Variants in DNAH14 observed in about 807,000 individuals in gnomAD.
DNAH14 encodes the protein axonemal beta dynein heavy chain 14.
A neutral mutation model predicts 520.9 loss-of-function variants in DNAH14; 478 were observed. The ratio of observed to expected loss-of-function variants is 0.92; its 90% CI spans 0.85 to 0.99. The LOEUF is 0.99. DNAH14 is among the 50% of genes least tolerant of loss of function. The pLI, the probability that DNAH14 is intolerant of heterozygous loss-of-function variation, is 0.00. For missense variants in DNAH14, 4,831 were observed against 5,234.5 expected, an observed-to-expected ratio of 0.92 and a Z score of 2.38; for synonymous variants, 1,581 against 1,757.2, an observed-to-expected ratio of 0.90 and a Z score of 2.51.
At chr1:224,936,118 A>ATT in intron 1 of DNAH14, among the ~76,000 whole-genome samples, 1 of 151,902 alleles carries the variant, frequency 6.6e-6, no homozygotes, top group Middle Eastern at 3.2e-3. Flanking sequence ...AAAAAGTAGG[A>ATT]AGATTACTAA....
chr1:225,103,413 C>T (rs1282012930), intron 23 of DNAH14, among the ~76,000 whole-genome samples: 1 of 152,140 alleles, frequency 6.6e-6, no homozygotes, highest in Non-Finnish European at 1.5e-5. Context: ...GTAGTTGTTT[C>T]CAATTCTGTG....
chr1:225,232,274 T>C lies in DNAH14; in HGVS notation c.6518+1123T>C, dbSNP rs553272598. 6.8e-3 allele frequency among the ~76,000 whole-genome samples: 943 copies of C among 138,236 alleles called. 2 individuals carry two copies. Among genetic ancestry groups the C allele is most frequent in the Non-Finnish European group, 0.011 (735 of 65,112 alleles). The allele number at this position is 138,236 out of a possible 152,430, so 90.7% of individuals were successfully genotyped here. A position where few individuals can be genotyped will look rare whatever the true frequency, so the allele number is the denominator to read the frequency against. On this transcript the variant is annotated intron_variant, in intron 42 of 85. Coordinates refer to ENST00000682510, the MANE Select transcript of DNAH14 (RefSeq NM_001367479.1). This position sits in a 1 kb window ranked among gnomAD's most constrained non-coding sequence, Gnocchi z 4.2. ...CATTATATATATAAACTGTGATATA[T>C]ATATATACACACACACACACACACA... is the stretch of plus-strand genomic sequence containing the variant.
Position 225,338,415 on chromosome 1 carries a change from A to G in DNAH14, c.10433+233A>G. 3 of 646,420 alleles carry G rather than the reference A, an allele frequency of 4.6e-6. No individual in the cohort carries two copies. The Admixed American group carries it at 7.5e-5, about 16-fold the overall frequency. The allele number at this position is 646,420 out of a possible 1,614,324, so 40.0% of individuals were successfully genotyped here. On this transcript the variant is annotated intron_variant, in intron 68 of 85. Transcript: ENST00000682510. ...CACTTTTCAAACTGTGCATGATAAA[A>G]TCTGTGGGTTTTATGAGGAGTCTTC...
Position 225,335,870 on chromosome 1 carries a change from CACATAT to C in DNAH14, c.10081-1388_10081-1383del, listed in dbSNP as rs1172025064. Among the ~76,000 whole-genome samples the C allele has an allele frequency of 3.1e-4, 15 of 48,930 alleles. 2 individuals are homozygous for C. Among genetic ancestry groups the C allele is most frequent in the Non-Finnish European group, 4.9e-4 (13 of 26,604 alleles). The allele number at this position is 48,930 out of a possible 152,430, so 32.1% of individuals were successfully genotyped here. A position where few individuals can be genotyped will look rare whatever the true frequency, so the allele number is the denominator to read the frequency against. On this transcript the variant is annotated intron_variant, in intron 66 of 85. Transcript: ENST00000682510. ...ACACATATGTACATATATGTACATA[CACATAT>C]ACATATATGTACATATACATACATA...
chr1:225,120,258 G>A (rs1156291467), intron 26 of DNAH14, among the ~76,000 whole-genome samples: 1 of 152,130 alleles, frequency 6.6e-6, no homozygotes, highest in Admixed American at 6.5e-5. Context: ...TTCCTGGATG[G>A]GATCCCAGAA....
rs1048363265 is a variant in DNAH14, at chr1:225,272,066, T to C, written c.7832T>C (p.Met2611Thr). ...CACTACATGTTTAATCTTCGAGATATGTTTAAGGTTTGTTTTAATGTTCAT... is the reference window on the plus strand; with the variant it reads ...CACTACATGTTTAATCTTCGAGATACGTTTAAGGTTTGTTTTAATGTTCAT... ...KCHYMFNLRD[M>T]FKLLLGLLQA... is the part of the protein sequence containing the mutation. Residue 2611 changes from methionine to threonine, a missense_variant, in exon 51 of 86, where the codon ATG (methionine) becomes ACG (threonine). Transcript: ENST00000682510. The C allele has an allele frequency of 5.8e-6, 9 of 1,547,798 alleles. No individual in the cohort carries two copies. Among genetic ancestry groups the C allele is most frequent in the Non-Finnish European group, 7.9e-6 (9 of 1,145,912 alleles).
intron 10 of DNAH14, among the ~76,000 whole-genome samples, chr1:225,016,905 GAT>G (rs1210409034): frequency 1.3e-5 from 2 of 151,274 alleles, no homozygotes; most frequent in African/African-American, 4.9e-5. Context: ...TCTTTTCTAT[GAT>G]ATATATCTTT....
chr1:225,073,336 T>C (rs1055939574), intron 17 of DNAH14, among the ~76,000 whole-genome samples: 6 of 152,136 alleles, frequency 3.9e-5, no homozygotes, highest in Non-Finnish European at 8.8e-5. Flanking sequence ...AGCCTGCCCC[T>C]CCCTCTGGGA....
Position 225,079,245 on chromosome 1 carries a change from C to T in DNAH14, c.2463C>T (p.Pro821=), listed in dbSNP as rs1233699590. ...CATTGCAGCAGCTGGAATGTGATCC[C>T]ACTGAAATAGAAGAATTTCTGGAGC... ...ESSLQQLECD[P]TEIEEFLEHF... Residue 821 remains proline (P), a synonymous_variant, in exon 18 of 86, where the codon CCC becomes CCT. Transcript: ENST00000682510. 6.5e-7 allele frequency: 1 copy of T among 1,548,022 alleles called. No individual in the cohort carries two copies. Among genetic ancestry groups the T allele is most frequent in the Admixed American group, 2.0e-5 (1 of 50,168 alleles).
intron 26 of DNAH14, among the ~76,000 whole-genome samples, chr1:225,123,193 T>C: frequency 6.6e-6 from 1 of 152,206 alleles, no homozygotes. Flanking sequence ...CAGTATTCCA[T>C]TTTGTAGAAA....
At chr1:225,110,136 G>A (rs1169212839) in intron 23 of DNAH14, among the ~76,000 whole-genome samples, 11 of 152,074 alleles carry the variant, frequency 7.2e-5, no homozygotes, top group South Asian at 2.1e-4. Context: ...ATATGGGCCT[G>A]TAGTTTTCTT....
chr1:225,333,284 C>T lies in DNAH14; in HGVS notation c.9865-7C>T, dbSNP rs2094841964. 2.6e-6 allele frequency: 4 copies of T among 1,545,258 alleles called. No individual in the cohort carries two copies. The highest frequency in any genetic ancestry group is 3.9e-5 in the Admixed American group (2 of 50,818). On this transcript the variant is annotated splice_region_variant and splice_polypyrimidine_tract_variant and intron_variant, in intron 65 of 85. Transcript: ENST00000682510. ...ATAGAATAACTCATTTCTATTTTAACATTTAGACTCGATGGCAAGAAACAA... is the reference window on the plus strand; with the variant it reads ...ATAGAATAACTCATTTCTATTTTAATATTTAGACTCGATGGCAAGAAACAA...
At chr1:225,211,630 T>C (rs893463089) in intron 41 of DNAH14, among the ~76,000 whole-genome samples, 1 of 151,992 alleles carries the variant, frequency 6.6e-6, no homozygotes, top group Non-Finnish European at 1.5e-5. Context: ...AAAATTCAAA[T>C]TCAAGAAATA....
intron 36 of DNAH14, among the ~76,000 whole-genome samples, chr1:225,175,206 A>G (rs2083179614): frequency 6.6e-6 from 1 of 152,128 alleles, no homozygotes; most frequent in African/African-American, 2.4e-5. Flanking sequence ...ATTGGGAATC[A>G]TTTTCTTGAA....
chr1:225,127,605 T>C (rs1029846473), intron 27 of DNAH14, among the ~76,000 whole-genome samples: 6 of 152,190 alleles, frequency 3.9e-5, no homozygotes, highest in African/African-American at 1.2e-4. Context: ...TGTGTGTCTC[T>C]GCACGTGAGA....
Position 225,080,522 on chromosome 1 carries a change from A to T in DNAH14, c.2910A>T (p.Gln970His). The change falls in exon 19 of 86, where the codon CAA becomes CAT. Residue 970 changes from glutamine (Q) to histidine (H), a missense_variant. Physicochemically the swap from Gln to His is conservative, Grantham distance 24. Coordinates refer to ENST00000682510, the MANE Select transcript of DNAH14 (RefSeq NM_001367479.1). ...ATCAGGATTGTTTCAGTGATTCTCA[A>T]TCTCATATGCATTCTGTTAATGTGG... ...SHYQDCFSDSQSHMHSVNVEE... is the reference protein window; with the variant it reads ...SHYQDCFSDSHSHMHSVNVEE... 1 of 1,551,860 alleles carries T rather than the reference A, an allele frequency of 6.4e-7. No individual in the cohort carries two copies. Among genetic ancestry groups the T allele is most frequent in the South Asian group, 1.2e-5 (1 of 84,048 alleles).
chr1:225,265,354 A>G lies in DNAH14; in HGVS notation c.7395A>G (p.Ala2465=), dbSNP rs1330036046. Residue 2465 remains alanine, a synonymous_variant, in exon 48 of 86, where the codon GCA becomes GCG. Transcript: ENST00000682510. The part of the protein sequence containing the change: ...LIRRTKDTLG[A]PKNNRILIFI... Reference sequence around the variant, plus strand: ...GAAGAACTAAAGATACTCTTGGAGCACCAAAAAACAACCGGGTAAAACACC... The same window carrying G: ...GAAGAACTAAAGATACTCTTGGAGCGCCAAAAAACAACCGGGTAAAACACC... The G allele has an allele frequency of 1.3e-6, 2 of 1,534,672 alleles. No homozygotes were observed. The highest frequency in any genetic ancestry group is 2.5e-5 in the South Asian group (2 of 79,566).
At chr1:224,943,302 C>T (rs534254181) in intron 1 of DNAH14, among the ~76,000 whole-genome samples, 1 of 152,310 alleles carries the variant, frequency 6.6e-6, no homozygotes, top group East Asian at 1.9e-4. Context: ...ATAGTATTCT[C>T]TGATGGTAGT....
At chr1:225,127,378 G>T (rs1358172252) in intron 27 of DNAH14, among the ~76,000 whole-genome samples, 2 of 151,794 alleles carry the variant, frequency 1.3e-5, no homozygotes, top group Admixed American at 6.6e-5. Context: ...CTTGCTTTAT[G>T]AATCTGGGTG....
Sources: gnomAD v4.1 joint callset for allele counts (sites outside exome capture counted in the v4.1 genomes callset) on GRCh38, gnomAD v4.1.1 for gene constraint, Gnocchi (gnomAD v3.1) non-coding constraint, MANE v1.5 for transcripts, NCBI Gene and HGNC (gene_info 2026-07-23, HGNC 2026-07-21) for gene names.